Variants in GIT2 observed in about 807,000 individuals in gnomAD.
The protein encoded by GIT2 is GIT ArfGAP 2, also known as ARF GTPase-activating protein GIT2.
In GIT2, 32 loss-of-function variants were observed where a neutral mutation model predicts 100.3. The observed-to-expected ratio is 0.32, with a 90% CI of 0.24 to 0.43. GIT2 has a LOEUF of 0.43. Ranked by LOEUF, GIT2 falls within the 20% of genes least tolerant of loss-of-function variation. The probability of loss-of-function intolerance (pLI) is 1.00; values close to 1 mark genes in which losing one functional copy is unlikely to be tolerated. For synonymous variants in GIT2, 353 were observed against 364.1 expected (o/e 0.97, Z 0.35); for missense variants, 737 against 975.1 (o/e 0.76, Z 3.25).
At chr12:109,980,923 T>C (rs781399383) in intron 7 of GIT2, 29 bp downstream of exon 7, 1 of 1,342,940 alleles carries the variant, frequency 7.4e-7, no homozygotes, top group African/African-American at 1.4e-5. Context: ...CAACTGGAGA[T>C]GTGAAACGGT....
chr12:109,986,495 TG>T (rs1367364735), intron 4 of GIT2, among the ~76,000 whole-genome samples: 1 of 152,296 alleles, frequency 6.6e-6, no homozygotes, highest in East Asian at 1.9e-4. Context: ...CCGGGCGTGG[TG>T]GCTTACGCCT....
chr12:109,944,703 G>A (rs1263567805), intron 16 of GIT2, among the ~76,000 whole-genome samples: 1 of 152,076 alleles, frequency 6.6e-6, no homozygotes, highest in Non-Finnish European at 1.5e-5. Flanking sequence ...AACAGCTTTA[G>A]GTTAACAGCT....
In GIT2 at chr12:109,959,863, A is replaced by G; in HGVS notation, c.1083T>C (p.Ser361=). ...AGCAGTTACCTTTTGAACCCGAGAG[A>G]GAACTGCCCTGCTGTCTCCTCTTGG... ...SDAKRRQQGS[S]LSGSKDNVEL... Residue 361 remains serine, a synonymous_variant, in exon 12 of 20, where the codon TCT becomes TCC. Transcript: ENST00000355312. 1 of 1,609,496 alleles carries G rather than the reference A, an allele frequency of 6.2e-7. No individual in the cohort carries two copies. The highest frequency in any genetic ancestry group is 8.5e-7 in the Non-Finnish European group (1 of 1,175,760).
chr12:109,935,694 C>T (rs893664013), intron 18 of GIT2, among the ~76,000 whole-genome samples: 2 of 152,228 alleles, frequency 1.3e-5, no homozygotes, highest in East Asian at 1.9e-4. Flanking sequence ...CCGCGCCCAG[C>T]CAGTGAAGAG....
intron 1 of GIT2, among the ~76,000 whole-genome samples, chr12:109,994,927 C>T (rs548851885): frequency 3.3e-5 from 5 of 152,190 alleles, no homozygotes; most frequent in Non-Finnish European, 7.3e-5. Flanking sequence ...CCCTCCCTAT[C>T]TTCAAAGGAA....
chr12:109,995,987 G>T (rs1593181759), intron 1 of GIT2, 186 bp downstream of exon 1: 2 of 476,278 alleles, frequency 4.2e-6, no homozygotes, highest in African/African-American at 4.1e-5. Context: ...CGAGGGACGG[G>T]GAGGGCGGCG....
intron 6 of GIT2, chr12:109,982,218 T>C (rs1270676695): frequency 6.6e-6 from 1 of 152,338 alleles, no homozygotes; most frequent in Non-Finnish European, 1.5e-5. Context: ...CCTTTCCTCT[T>C]ACCTGGAATG....
At chr12:109,983,885 C>A in intron 4 of GIT2, 191 bp from the exon 5 acceptor site, 2 of 533,258 alleles carry the variant, frequency 3.8e-6, no homozygotes, top group Non-Finnish European at 6.8e-6. Flanking sequence ...TGGAGTGAGG[C>A]CACTTTACTG....
At chr12:109,971,786 A>T (rs1883930186) in intron 7 of GIT2, among the ~76,000 whole-genome samples, 1 of 151,846 alleles carries the variant, frequency 6.6e-6, no homozygotes, top group South Asian at 2.1e-4. Context: ...TGAGGTCAGG[A>T]GTTCCAGAGC....
chr12:109,997,135 G>A (rs1889548758), upstream of GIT2, among the ~76,000 whole-genome samples: 1 of 150,790 alleles, frequency 6.6e-6, no homozygotes, highest in Admixed American at 6.6e-5. Flanking sequence ...AACCCAGGGG[G>A]TGGAGGTTGC....
rs775600396 is a variant in GIT2 at position 109,945,313 on chromosome 12, G to C, written c.1678C>G (p.Leu560Val). ...RSALVTSSSSLPSFPSTLSWS... is the reference protein window; with the variant it reads ...RSALVTSSSSVPSFPSTLSWS... ...GAAAGTGTGGAGGGGAAGGAAGGCAGAGATGAAGAGGAGGTCACAAGTGCA... is the reference window on the plus strand; with the variant it reads ...GAAAGTGTGGAGGGGAAGGAAGGCACAGATGAAGAGGAGGTCACAAGTGCA... Residue 560 changes from leucine (L) to valine (V), a missense_variant, in exon 16 of 20, where the codon CTG becomes GTG. This residue lies in a region of GIT2 where 451 missense variants were observed against 543.7 expected (regional missense o/e 0.83). Coordinates refer to ENST00000355312, the MANE Select transcript of GIT2 (RefSeq NM_057169.5). The C allele has an allele frequency of 7.6e-6, 12 of 1,585,778 alleles. No individual in the cohort carries two copies. Among genetic ancestry groups the C allele is most frequent in the Non-Finnish European group, 1.0e-5 (12 of 1,154,448 alleles).
intron 4 of GIT2, among the ~76,000 whole-genome samples, chr12:109,984,014 C>G (rs114637018): frequency 0.017 from 2,619 of 152,214 alleles, 77 homozygotes; most frequent in African/African-American, 0.059. Flanking sequence ...ATGCGTGGCT[C>G]TGACATACGA....
intron 1 of GIT2, 117 bp downstream of exon 1, chr12:109,996,046 AGGCCGCCCAG>A: frequency 1.7e-6 from 1 of 600,100 alleles, no homozygotes; most frequent in Non-Finnish European, 2.7e-6. Context: ...TCCCACCCCA[AGGCCGCCCAG>A]GGACCTCTTC....
chr12:109,932,853 CT>C lies in GIT2; in HGVS notation c.*124del. 1.5e-6 allele frequency: 1 copy of C among 650,558 alleles called. No individual in the cohort carries two copies. Among genetic ancestry groups the C allele is most frequent in the Non-Finnish European group, 2.7e-6 (1 of 366,644 alleles). The allele number at this position is 650,558 out of a possible 1,614,324, so 40.3% of individuals were successfully genotyped here. On this transcript the variant is annotated 3_prime_UTR_variant, in exon 20 of 20. Coordinates refer to ENST00000355312, the MANE Select transcript of GIT2 (RefSeq NM_057169.5). ...ACATGCAAAAATAATACTGAGTTTTCTTTTAAAAAGTTTTAAACCGTCATTA... is the reference window on the plus strand; with the variant it reads ...ACATGCAAAAATAATACTGAGTTTTCTTTAAAAAGTTTTAAACCGTCATTA...
At chr12:109,953,038 G>C (rs2136291629) in intron 13 of GIT2, 54 bp downstream of exon 13, 1 of 1,591,012 alleles carries the variant, frequency 6.3e-7, no homozygotes. Flanking sequence ...CTTTGGCAGG[G>C]CTAGCCCTCA....
At position 109,984,715 on chromosome 12, in the gene GIT2, G is replaced by C. The variant is rs527723881; in HGVS notation, c.406-1021C>G. On this transcript the variant is annotated intron_variant, in intron 4 of 19. Coordinates refer to ENST00000355312, the MANE Select transcript of GIT2 (RefSeq NM_057169.5). ...TCCCACCTCGGCCTCCCAAAGTGTT[G>C]GGATTACAGGCATGAGCTACCGTGC... 5.9e-5 allele frequency among the ~76,000 whole-genome samples: 9 copies of C among 152,156 alleles called. No homozygotes were observed. In the South Asian group the frequency reaches 1.9e-3, roughly 32 times the overall value.
At chr12:109,944,330 C>T (rs1223850155) in intron 16 of GIT2, among the ~76,000 whole-genome samples, 1 of 152,168 alleles carries the variant, frequency 6.6e-6, no homozygotes, top group African/African-American at 2.4e-5. Context: ...TAAAGGTGGT[C>T]CCTTACCCAC....
chr12:109,937,507 G>A (rs966876618), intron 18 of GIT2, among the ~76,000 whole-genome samples: 1 of 152,084 alleles, frequency 6.6e-6, no homozygotes, highest in Non-Finnish European at 1.5e-5. Flanking sequence ...TGCCAACCAT[G>A]GGAAGCTAGG....
At chr12:109,939,635 A>G (rs1592952766) in intron 16 of GIT2, 3 of 152,510 alleles carry the variant, frequency 2.0e-5, no homozygotes, top group Admixed American at 2.0e-4. Flanking sequence ...ACGATTGCTT[A>G]AGGCTAGGAG....
Sources: gnomAD v4.1 joint callset for allele counts (sites outside exome capture counted in the v4.1 genomes callset) on GRCh38, gnomAD v4.1.1 for gene constraint, gnomAD v4.1.1 regional missense constraint, MANE v1.5 for transcripts, NCBI Gene and HGNC (gene_info 2026-07-23, HGNC 2026-07-21) for gene names.